Variants in SIK3 observed in about 807,000 individuals in gnomAD.
SIK3 encodes the protein serine/threonine-protein kinase SIK3.
SIK3 carries 28 observed loss-of-function variants against 144.2 expected under a neutral mutation model. The observed-to-expected ratio is 0.19, with a 90% CI of 0.14 to 0.27. The LOEUF (loss-of-function observed/expected upper bound fraction) is 0.27, where lower values mean the gene tolerates loss of function less well. Among genes scored for constraint, SIK3 ranks in the 10% least tolerant of loss-of-function variants. The pLI is 1.00. For synonymous variants in SIK3, 686 were observed against 676.3 expected (o/e 1.01, Z -0.22); for missense variants, 1,319 against 1,776.0 (o/e 0.74, Z 4.62).
At position 116,846,914 on chromosome 11, in the gene SIK3, C is replaced by T. The variant is rs1343376648; in HGVS notation, c.3953-361G>A. 2.6e-5 allele frequency among the ~76,000 whole-genome samples: 4 copies of T among 152,224 alleles called. No individual in the cohort carries two copies. Among genetic ancestry groups the T allele is most frequent in the Non-Finnish European group, 4.4e-5 (3 of 68,030 alleles). On this transcript the variant is annotated intron_variant, in intron 23 of 24. Transcript: ENST00000445177. This position sits in a 1 kb window ranked among gnomAD's most constrained non-coding sequence, Gnocchi z 4.1. ...CTGCCTGCAGGCACCCATTCCTGGGCACTGTCTGTCTTCCAGACACTGTGC... is the reference window on the plus strand; with the variant it reads ...CTGCCTGCAGGCACCCATTCCTGGGTACTGTCTGTCTTCCAGACACTGTGC...
intron 1 of SIK3, among the ~76,000 whole-genome samples, chr11:116,959,526 A>T (rs1320229032): frequency 2.0e-5 from 3 of 152,150 alleles, no homozygotes; most frequent in African/African-American, 4.8e-5. Flanking sequence ...CTACTAATTG[A>T]TGGCATGTAC....
rs35013282 is a variant in SIK3 at position 117,065,641 on chromosome 11, A to AT, written c.273+32501dup. 1.6e-3 allele frequency among the ~76,000 whole-genome samples: 240 copies of AT among 146,376 alleles called. 1 individual carries two copies. Among genetic ancestry groups the AT allele is most frequent in the South Asian group, 6.7e-3 (31 of 4,610 alleles). ...ATTTAAAAATAACTTTCATAAATTG[A>AT]TTTTTTTTTTTTTTTGACACAGAGT... is the stretch of plus-strand genomic sequence containing the variant. On this transcript the variant is annotated intron_variant, in intron 1 of 24. Coordinates refer to ENST00000445177, the MANE Select transcript of SIK3 (RefSeq NM_001366686.3).
chr11:116,847,993 A>G (rs890527399), intron 22 of SIK3, among the ~76,000 whole-genome samples: 2 of 152,346 alleles, frequency 1.3e-5, no homozygotes, highest in Admixed American at 1.3e-4. Context: ...TATGGTAACC[A>G]GTAGCCACAA....
At position 117,016,379 on chromosome 11, in the gene SIK3, GGAGA is replaced by G. The variant is rs1287355369; in HGVS notation, c.274-59319_274-59316del. On this transcript the variant is annotated intron_variant, in intron 1 of 24. Coordinates refer to ENST00000445177, the MANE Select transcript of SIK3 (RefSeq NM_001366686.3). ...GAGGGAGGGAGGGAAGGAGAGGGAGGGAGAGAGGGAGGGAGGGAAGGAAGGAAGG... is the reference window on the plus strand; with the variant it reads ...GAGGGAGGGAGGGAAGGAGAGGGAGGGAGGGAGGGAGGGAAGGAAGGAAGG... Among the ~76,000 whole-genome samples, 106 of 104,724 alleles carry G rather than the reference GGAGA, an allele frequency of 1.0e-3. 1 individual carries two copies. Among genetic ancestry groups the G allele is most frequent in the African/African-American group, 3.8e-3 (80 of 21,300 alleles). The allele number at this position is 104,724 out of a possible 152,430, so 68.7% of individuals were successfully genotyped here.
At chr11:116,916,365 T>C (rs1401947681) in intron 4 of SIK3, among the ~76,000 whole-genome samples, 2 of 152,216 alleles carry the variant, frequency 1.3e-5, no homozygotes, top group South Asian at 4.1e-4. Context: ...TGATAAGGTA[T>C]ATTTCAGAAC....
At chr11:116,888,168 T>C (rs1944927541) in intron 6 of SIK3, among the ~76,000 whole-genome samples, 1 of 152,242 alleles carries the variant, frequency 6.6e-6, no homozygotes, top group African/African-American at 2.4e-5. Context: ...AGTGATCATT[T>C]AGAACACTAT....
intron 1 of SIK3, among the ~76,000 whole-genome samples, chr11:117,080,101 C>T (rs1051096132): frequency 6.6e-6 from 1 of 152,002 alleles, no homozygotes; most frequent in Non-Finnish European, 1.5e-5. Flanking sequence ...AAGCCAAAAG[C>T]CCAACAGAAA....
At chr11:116,917,227 C>G (rs1438690889) in intron 4 of SIK3, among the ~76,000 whole-genome samples, 1 of 152,116 alleles carries the variant, frequency 6.6e-6, no homozygotes, top group Non-Finnish European at 1.5e-5. Context: ...ATTTGAGGAG[C>G]TTACGATCCT....
At chr11:117,050,700 TTAAA>T (rs1158953908) in intron 1 of SIK3, among the ~76,000 whole-genome samples, 4 of 151,972 alleles carry the variant, frequency 2.6e-5, no homozygotes, top group East Asian at 1.9e-4. Context: ...AAAAAATAAA[TTAAA>T]TAAATAAATA....
At chr11:117,014,497 AATTT>A (rs1271716364) in intron 1 of SIK3, among the ~76,000 whole-genome samples, 1 of 152,156 alleles carries the variant, frequency 6.6e-6, no homozygotes, top group Non-Finnish European at 1.5e-5. Flanking sequence ...TAAAATTAAG[AATTT>A]ATTTATCAAA....
intron 3 of SIK3, among the ~76,000 whole-genome samples, chr11:116,941,924 C>T (rs1248645055): frequency 6.6e-6 from 1 of 152,114 alleles, no homozygotes; most frequent in African/African-American, 2.4e-5. Context: ...CTGTTTGTAA[C>T]ATTAAATAAA....
intron 1 of SIK3, among the ~76,000 whole-genome samples, chr11:117,011,434 C>T (rs930934580): frequency 7.2e-5 from 11 of 152,154 alleles, no homozygotes; most frequent in Middle Eastern, 3.4e-3. Flanking sequence ...TTGTTTTGTA[C>T]CAACAACAGT....
At chr11:116,994,461 G>GC (rs1405072312) in intron 1 of SIK3, among the ~76,000 whole-genome samples, 3 of 152,202 alleles carry the variant, frequency 2.0e-5, no homozygotes, top group African/African-American at 7.2e-5. Context: ...AAAGGTGCTT[G>GC]CCCTTGCTGG....
intron 1 of SIK3, among the ~76,000 whole-genome samples, chr11:116,978,546 C>T (rs1950034372): frequency 6.6e-6 from 1 of 151,970 alleles, no homozygotes; most frequent in Non-Finnish European, 1.5e-5. Flanking sequence ...CAATGATGTA[C>T]AGGCTGGAGT....
chr11:117,023,357 C>A (rs1213054491), intron 1 of SIK3, among the ~76,000 whole-genome samples: 1 of 151,182 alleles, frequency 6.6e-6, no homozygotes, highest in East Asian at 1.9e-4. Flanking sequence ...CCCGAGTTTT[C>A]ATTAACTGAA....
chr11:116,891,869 T>C (rs562365023), intron 6 of SIK3, among the ~76,000 whole-genome samples: 1 of 152,308 alleles, frequency 6.6e-6, no homozygotes, highest in Admixed American at 6.5e-5. Context: ...TAGAAGTGCC[T>C]ACATGAATGG....
rs1424462418 is a variant in SIK3 at position 116,999,542 on chromosome 11, CTT to C, written c.274-42480_274-42479del. Among the ~76,000 whole-genome samples the C allele has an allele frequency of 3.3e-5, 5 of 152,102 alleles. No homozygotes were observed. The East Asian group carries it at 9.6e-4, about 29-fold the overall frequency. On this transcript the variant is annotated intron_variant, in intron 1 of 24. Coordinates refer to ENST00000445177, the MANE Select transcript of SIK3 (RefSeq NM_001366686.3). ...CATATTCATATGTCTTGTGAGATCT[CTT>C]TTCATTTTCATCTCTTTGTTTTTTG...
intron 3 of SIK3, among the ~76,000 whole-genome samples, chr11:116,951,909 G>A (rs1221277584): frequency 6.6e-6 from 1 of 150,986 alleles, no homozygotes. Context: ...ACTTCACCTG[G>A]TCAACAGAGC....
intron 1 of SIK3, among the ~76,000 whole-genome samples, chr11:116,961,719 A>C (rs902279208): frequency 9.2e-5 from 14 of 152,204 alleles, no homozygotes; most frequent in African/African-American, 3.1e-4. Flanking sequence ...GAATTCTTTT[A>C]TCTTCCAAAG....
Sources: gnomAD v4.1 joint callset for allele counts (sites outside exome capture counted in the v4.1 genomes callset) on GRCh38, gnomAD v4.1.1 for gene constraint, Gnocchi (gnomAD v3.1) non-coding constraint, MANE v1.5 for transcripts, NCBI Gene and HGNC (gene_info 2026-07-23, HGNC 2026-07-21) for gene names.